Variants in DUSP11 observed in about 807,000 individuals in gnomAD.
DUSP11 encodes the protein RNA/RNP complex-1-interacting phosphatase.
Under a neutral mutation model 41.4 loss-of-function variants are expected in DUSP11, and 27 were observed. That is an observed-to-expected ratio of 0.65 (90% CI 0.48 to 0.90). The LOEUF is 0.90. Ranked by LOEUF, DUSP11 falls within the 40% of genes least tolerant of loss-of-function variation. DUSP11 has a pLI of 0.00. For synonymous variants in DUSP11, 188 were observed against 159.3 expected (o/e 1.18, Z -1.35); for missense variants, 465 against 461.1 (o/e 1.01, Z -0.08).
intron 8 of DUSP11, among the ~76,000 whole-genome samples, chr2:73,766,195 G>A (rs1429195292): frequency 6.6e-6 from 1 of 151,874 alleles, no homozygotes; most frequent in Non-Finnish European, 1.5e-5. Context: ...TGTAGTCCCA[G>A]CTACTCAGGA....
In DUSP11 at chr2:73,769,219, G is replaced by A. The variant is rs375584881; in HGVS notation, c.635+46C>T. On this transcript the variant is annotated intron_variant, in intron 5 of 8. Transcript: ENST00000272444. ...CAACCTTACATTACCATTGTAAACAGACAAAAACAATTTAAAATGGTCTGC... is the reference window on the plus strand; with the variant it reads ...CAACCTTACATTACCATTGTAAACAAACAAAAACAATTTAAAATGGTCTGC... 7.2e-5 allele frequency: 110 copies of A among 1,536,738 alleles called. No individual in the cohort carries two copies. In the African/African-American group the frequency reaches 1.4e-3, roughly 20 times the overall value.
chr2:73,763,303 AACAT>A (rs1359436227), intron 8 of DUSP11, among the ~76,000 whole-genome samples: 2 of 152,264 alleles, frequency 1.3e-5, no homozygotes, highest in East Asian at 1.9e-4. Flanking sequence ...TTTATAAACG[AACAT>A]ACATAAATTA....
intron 4 of DUSP11, 39 bp from the exon 5 acceptor site, chr2:73,769,364 A>G: frequency 7.2e-7 from 1 of 1,384,658 alleles, no homozygotes; most frequent in Non-Finnish European, 1.0e-6. Flanking sequence ...ACTGAAGTAG[A>G]TACACAAGTA....
exon 1 of DUSP11, chr2:73,779,945 G>T (rs766871245): frequency 3.1e-6 from 5 of 1,614,236 alleles, no homozygotes; most frequent in Non-Finnish European, 4.2e-6. Context: ...TCCGGCCCCA[G>T]CCACTGCGGG....
chr2:73,778,571 TA>T (rs1032043321), intron 1 of DUSP11, among the ~76,000 whole-genome samples, 195 bp from the exon 2 acceptor site: 1 of 151,994 alleles, frequency 6.6e-6, no homozygotes, highest in African/African-American at 2.4e-5. Context: ...TTCCCCATCA[TA>T]AAAACGAACA....
chr2:73,766,625 C>A, intron 7 of DUSP11, 31 bp from the exon 8 acceptor site: 1 of 1,575,968 alleles, frequency 6.3e-7, no homozygotes, highest in Non-Finnish European at 8.6e-7. Context: ...CACAATATTA[C>A]TGGTTTCCAA....
chr2:73,779,985 A>G (rs1374663649), exon 1 of DUSP11: 5 of 1,614,252 alleles, frequency 3.1e-6, no homozygotes, highest in Non-Finnish European at 2.5e-6. Flanking sequence ...GTGGGTCCCA[A>G]GAAGCCGCCC....
exon 9 of DUSP11, chr2:73,762,809 G>C (rs1220653586): frequency 1.2e-6 from 2 of 1,610,826 alleles, no homozygotes; most frequent in Non-Finnish European, 8.5e-7. Context: ...AGGGGGACCA[G>C]GAGGAGGGAG....
chr2:73,780,044 A>C (rs754891920), exon 1 of DUSP11: 2 of 1,613,114 alleles, frequency 1.2e-6, no homozygotes, highest in South Asian at 2.2e-5. Context: ...CCTCAATGCC[A>C]GGATAAGACC....
intron 4 of DUSP11, among the ~76,000 whole-genome samples, chr2:73,772,463 C>T (rs1672601338): frequency 6.6e-6 from 1 of 152,324 alleles, no homozygotes; most frequent in Non-Finnish European, 1.5e-5. Flanking sequence ...AGAAGACCAA[C>T]ATGGAGTTCA....
chr2:73,767,927 C>A (rs1465491811), intron 5 of DUSP11: 1 of 152,062 alleles, frequency 6.6e-6, no homozygotes, highest in African/African-American at 2.4e-5. Context: ...TCATCCCCAA[C>A]AAAAAAAATT....
chr2:73,776,665 T>C (rs1318335707), intron 2 of DUSP11, among the ~76,000 whole-genome samples: 1 of 152,204 alleles, frequency 6.6e-6, no homozygotes, highest in Non-Finnish European at 1.5e-5. Context: ...TGTATGTACA[T>C]ATTATGTTAT....
At chr2:73,765,775 C>T (rs1175075582) in intron 8 of DUSP11, among the ~76,000 whole-genome samples, 1 of 152,128 alleles carries the variant, frequency 6.6e-6, no homozygotes, top group African/African-American at 2.4e-5. Flanking sequence ...ATATCAACTC[C>T]TTAAATAACA....
chr2:73,776,653 A>G (rs1166876436), intron 2 of DUSP11, among the ~76,000 whole-genome samples: 1 of 152,178 alleles, frequency 6.6e-6, no homozygotes, highest in Non-Finnish European at 1.5e-5. Flanking sequence ...TATGTTATGC[A>G]TTGTATGTAC....
chr2:73,766,740 T>C lies in DUSP11; in HGVS notation c.758+88A>G, dbSNP rs189175079. 55 of 1,371,746 alleles carry C rather than the reference T, an allele frequency of 4.0e-5. No homozygotes were observed. The East Asian group carries it at 1.2e-3, about 30-fold the overall frequency. The allele number at this position is 1,371,746 out of a possible 1,614,324, so 85.0% of individuals were successfully genotyped here. On this transcript the variant is annotated intron_variant, in intron 7 of 8. Coordinates refer to ENST00000272444, the Ensembl canonical transcript of DUSP11. ...ATCTCCCCCCAACAAACAAACAAGC[T>C]ACCAGAAGAATGAACATATGCAACT...
intron 2 of DUSP11, among the ~76,000 whole-genome samples, chr2:73,775,716 G>T (rs1672667063): frequency 6.6e-6 from 1 of 151,048 alleles, no homozygotes; most frequent in Non-Finnish European, 1.5e-5. Flanking sequence ...TTAGCCAGGG[G>T]TGGTGGCAGG....
chr2:73,776,291 G>T (rs561039684), intron 2 of DUSP11, among the ~76,000 whole-genome samples: 1 of 151,074 alleles, frequency 6.6e-6, no homozygotes, highest in Non-Finnish European at 1.5e-5. Context: ...GGCAGGCGCC[G>T]GTAGTTCCAG....
chr2:73,774,607 G>A (rs945803843), intron 3 of DUSP11, among the ~76,000 whole-genome samples: 6 of 152,050 alleles, frequency 3.9e-5, no homozygotes, highest in African/African-American at 1.4e-4. Flanking sequence ...GTCTATTCTA[G>A]GTACTTCATA....
At chr2:73,772,489 T>A (rs1672601804) in intron 4 of DUSP11, among the ~76,000 whole-genome samples, 1 of 152,212 alleles carries the variant, frequency 6.6e-6, no homozygotes, top group Non-Finnish European at 1.5e-5. Flanking sequence ...TCCAACTGAC[T>A]ACAATCAGTA....
Sources: allele counts gnomAD v4.1 joint callset (sites outside exome capture counted in the v4.1 genomes callset), GRCh38; gene constraint gnomAD v4.1.1; transcripts MANE v1.5; gene names NCBI Gene and HGNC (gene_info 2026-07-23, HGNC 2026-07-21).